The following FOXK2 variants were observed in gnomAD, a reference collection of about 807,000 sequenced individuals.
The protein encoded by FOXK2 is forkhead box K2, also known as forkhead box protein K2.
A neutral mutation model predicts 53.3 loss-of-function variants in FOXK2; 24 were observed. The observed-to-expected ratio is 0.45, with a 90% CI of 0.33 to 0.63. The LOEUF is 0.63. FOXK2 is among the 30% of genes least tolerant of loss of function. FOXK2 has a pLI of 0.03. For missense variants in FOXK2, 952 were observed against 910.5 expected, an observed-to-expected ratio of 1.05 and a Z score of -0.59; for synonymous variants, 505 against 407.1, an observed-to-expected ratio of 1.24 and a Z score of -2.89.
chr17:82,583,990 A>T (rs777292072), intron 5 of FOXK2, 23 bp from the exon 6 acceptor site: 37 of 1,566,668 alleles, frequency 2.4e-5, no homozygotes, highest in Non-Finnish European at 3.0e-5. Context: ...TAACCATGCA[A>T]TGTCTTCTTC....
Position 82,602,850 on chromosome 17 carries a change from G to A in FOXK2, c.*1351G>A, listed in dbSNP as rs950821815. On this transcript the variant is annotated 3_prime_UTR_variant, in exon 9 of 9. Transcript: ENST00000335255. ...GCACATGGGGAGAGGGCGTCAGCCTGATGGCTGAGCTTTTAAATGTCATCA... is the reference window on the plus strand; with the variant it reads ...GCACATGGGGAGAGGGCGTCAGCCTAATGGCTGAGCTTTTAAATGTCATCA... 5 of 152,330 alleles carry A rather than the reference G, an allele frequency of 3.3e-5. No individual in the cohort carries two copies. The highest frequency in any genetic ancestry group is 1.2e-4 in the African/African-American group (5 of 41,466). 9.4% of individuals were successfully genotyped at this position (152,330 alleles called of 1,614,324 possible).
chr17:82,528,664 G>A (rs992799839), intron 1 of FOXK2, among the ~76,000 whole-genome samples: 4 of 152,198 alleles, frequency 2.6e-5, no homozygotes, highest in Admixed American at 1.3e-4. Flanking sequence ...AGGGAGACCA[G>A]AAAGTACCTC....
intron 1 of FOXK2, among the ~76,000 whole-genome samples, chr17:82,544,011 C>T (rs1173524223): frequency 5.3e-5 from 8 of 151,970 alleles, no homozygotes; most frequent in Admixed American, 1.3e-4. Context: ...CTCCTGACCT[C>T]GTGATCCGCC....
Position 82,530,756 on chromosome 17 carries a change from T to C in FOXK2, c.419+10449T>C, listed in dbSNP as rs570171125. On this transcript the variant is annotated intron_variant, in intron 1 of 8. Transcript: ENST00000335255. ...AACTCCTGACTGCAGGTGATTCCCC[T>C]GTCTTGGCCTCCCAAAGTGTTGGGA... 6.6e-5 allele frequency among the ~76,000 whole-genome samples: 10 copies of C among 152,306 alleles called. 2 individuals are homozygous for C. Among genetic ancestry groups the C allele is most frequent in the Admixed American group, 6.5e-4 (10 of 15,290 alleles).
intron 4 of FOXK2, among the ~76,000 whole-genome samples, chr17:82,573,282 G>A (rs960497064): frequency 3.3e-5 from 5 of 151,962 alleles, no homozygotes; most frequent in African/African-American, 1.2e-4. Flanking sequence ...GGTACAGAAT[G>A]AGACCCAGCC....
chr17:82,547,699 C>T (rs2044640026), intron 1 of FOXK2, among the ~76,000 whole-genome samples: 1 of 152,070 alleles, frequency 6.6e-6, no homozygotes, highest in Non-Finnish European at 1.5e-5. Context: ...GCTGTATACA[C>T]CATGTAGCCG....
intron 1 of FOXK2, among the ~76,000 whole-genome samples, chr17:82,526,217 C>T (rs970819540): frequency 3.3e-5 from 5 of 152,180 alleles, no homozygotes; most frequent in African/African-American, 1.2e-4. Flanking sequence ...TTCTGTCCTA[C>T]TCAGAATGCA....
At chr17:82,560,977 C>T (rs755572578) in intron 1 of FOXK2, among the ~76,000 whole-genome samples, 2 of 152,078 alleles carry the variant, frequency 1.3e-5, no homozygotes, top group Non-Finnish European at 2.9e-5. Flanking sequence ...TCTCAAATTC[C>T]TGCACTCAAG....
In FOXK2 at chr17:82,544,442, A is replaced by AC. The variant is rs2044603875; in HGVS notation, c.420-18909dup. 2.0e-5 allele frequency among the ~76,000 whole-genome samples: 3 copies of AC among 152,136 alleles called. No homozygotes were observed. In the South Asian group the frequency reaches 6.2e-4, roughly 31 times the overall value. On this transcript the variant is annotated intron_variant, in intron 1 of 8. Coordinates refer to ENST00000335255, the MANE Select transcript of FOXK2 (RefSeq NM_004514.4). ...CTGGTACAGTACACACACACACGCC[A>AC]CCCAAAACCGTGGGCCCAGAGATGC... is the stretch of plus-strand genomic sequence containing the variant.
intron 8 of FOXK2, among the ~76,000 whole-genome samples, chr17:82,592,483 C>CG (rs1478940662): frequency 6.6e-6 from 1 of 152,220 alleles, no homozygotes; most frequent in Non-Finnish European, 1.5e-5. Context: ...AGGCCCTTCA[C>CG]GGGGCCACTC....
At chr17:82,520,352 C>T (rs1335666294) in intron 1 of FOXK2, 45 bp downstream of exon 1, 16 of 1,233,456 alleles carry the variant, frequency 1.3e-5, no homozygotes, top group Non-Finnish European at 1.5e-5. Flanking sequence ...CGGCCTGCAG[C>T]GCCTGGCAGG....
Position 82,584,105 on chromosome 17 carries a change from C to T in FOXK2, c.1196C>T (p.Pro399Leu). 6.2e-7 allele frequency: 1 copy of T among 1,611,342 alleles called. No homozygotes were observed. The highest frequency in any genetic ancestry group is 8.5e-7 in the Non-Finnish European group (1 of 1,179,874). ...TPESLSREGS[P>L]APLEPEPGAA... ...GAGAGCCTGTCGAGGGAAGGTTCGC[C>T]GGCCCCCCTGGAGCCTGAGCCTGGC... The change falls in exon 6 of 9, where the codon CCG becomes CTG. Residue 399 changes from proline (P) to leucine (L), a missense_variant. Coordinates refer to ENST00000335255, the MANE Select transcript of FOXK2 (RefSeq NM_004514.4).
intron 2 of FOXK2, among the ~76,000 whole-genome samples, chr17:82,564,510 A>G (rs563168521): frequency 2.6e-5 from 4 of 152,092 alleles, no homozygotes; most frequent in African/African-American, 7.2e-5. Flanking sequence ...AGCTGGGACA[A>G]CAGATGTGCT....
chr17:82,602,966 A>C lies in FOXK2; in HGVS notation c.*1467A>C, dbSNP rs899244250. Reference sequence around the variant, plus strand: ...CTGTATTTTCCTGGTGGGATGAAATAGGGATGAAATGGCTCAGAATGGTAT... The same window carrying C: ...CTGTATTTTCCTGGTGGGATGAAATCGGGATGAAATGGCTCAGAATGGTAT... On this transcript the variant is annotated 3_prime_UTR_variant, in exon 9 of 9. Transcript: ENST00000335255. 2 of 152,630 alleles carry C rather than the reference A, an allele frequency of 1.3e-5. No individual in the cohort carries two copies. Among genetic ancestry groups the C allele is most frequent in the African/African-American group, 4.8e-5 (2 of 41,460 alleles). The allele number at this position is 152,630 out of a possible 1,614,324, so 9.5% of individuals were successfully genotyped here.
At position 82,586,000 on chromosome 17, in the gene FOXK2, C is replaced by A; in HGVS notation, c.1376C>A (p.Thr459Asn). The A allele has an allele frequency of 6.2e-7, 1 of 1,612,842 alleles. No homozygotes were observed. The highest frequency in any genetic ancestry group is 8.5e-7 in the Non-Finnish European group (1 of 1,179,976). ...PVTYTVATPVTTSTSQPPVVQ... is the reference protein window; with the variant it reads ...PVTYTVATPVNTSTSQPPVVQ... ...ACCTACACTGTGGCCACCCCAGTGA[C>A]CACCTCGACCTCCCAGCCACCCGTC... is the stretch of plus-strand genomic sequence containing the variant. Residue 459 changes from threonine to asparagine, a missense_variant, in exon 7 of 9, where the codon ACC (threonine) becomes AAC (asparagine). This residue lies in a region of FOXK2 where 551 missense variants were observed against 385.1 expected (regional missense o/e 1.43). Coordinates refer to ENST00000335255, the MANE Select transcript of FOXK2 (RefSeq NM_004514.4).
At chr17:82,595,427 G>A (rs902518923) in intron 8 of FOXK2, among the ~76,000 whole-genome samples, 1 of 152,104 alleles carries the variant, frequency 6.6e-6, no homozygotes, top group Non-Finnish European at 1.5e-5. Flanking sequence ...TCAGCCTCCT[G>A]AGTAGCCAGG....
intron 8 of FOXK2, chr17:82,600,042 C>A: frequency 6.5e-6 from 1 of 152,834 alleles, no homozygotes; most frequent in Non-Finnish European, 1.5e-5. Flanking sequence ...CCCTGGGGTG[C>A]TCTGAGTTGG....
chr17:82,520,399 A>G lies in FOXK2; in HGVS notation c.419+92A>G, dbSNP rs1012650393. Reference sequence around the variant, plus strand: ...CACGCGCCCAGGCCCGGGACCACCCACGAGCGGGGGCCCGACTCTCCCACA... The same window carrying G: ...CACGCGCCCAGGCCCGGGACCACCCGCGAGCGGGGGCCCGACTCTCCCACA... On this transcript the variant is annotated intron_variant, in intron 1 of 8. Transcript: ENST00000335255. The G allele has an allele frequency of 3.7e-5, 40 of 1,081,264 alleles. No homozygotes were observed. The Admixed American group carries it at 1.4e-3, about 38-fold the overall frequency. The allele number at this position is 1,081,264 out of a possible 1,614,324, so 67.0% of individuals were successfully genotyped here. A position where few individuals can be genotyped will look rare whatever the true frequency, so the allele number is the denominator to read the frequency against.
chr17:82,584,391 G>C (rs1171989083), intron 6 of FOXK2, among the ~76,000 whole-genome samples: 1 of 152,008 alleles, frequency 6.6e-6, no homozygotes, highest in Non-Finnish European at 1.5e-5. Context: ...AAACGACACT[G>C]AGTAGATGCC....
Sources: allele counts gnomAD v4.1 joint callset (sites outside exome capture counted in the v4.1 genomes callset), GRCh38; gene constraint gnomAD v4.1.1; regional missense constraint gnomAD v4.1.1; transcripts MANE v1.5; gene names NCBI Gene and HGNC (gene_info 2026-07-23, HGNC 2026-07-21).